The following SEMA6D variants were observed in gnomAD, a reference collection of about 807,000 sequenced individuals.
The protein encoded by SEMA6D is semaphorin-6D.
SEMA6D carries 35 observed loss-of-function variants against 106.6 expected under a neutral mutation model. The ratio of observed to expected loss-of-function variants is 0.33; its 90% CI spans 0.25 to 0.44. The LOEUF (loss-of-function observed/expected upper bound fraction) is 0.44. SEMA6D is among the 20% of genes least tolerant of loss of function. The pLI is 1.00. For synonymous variants in SEMA6D, 499 were observed against 487.7 expected (o/e 1.02, Z -0.31); for missense variants, 1,185 against 1,345.9 (o/e 0.88, Z 1.87).
At chr15:47,234,152 T>G (rs1268845055) in intron 1 of SEMA6D, among the ~76,000 whole-genome samples, 2 of 151,896 alleles carry the variant, frequency 1.3e-5, no homozygotes, top group African/African-American at 4.8e-5. Context: ...CTGACATATT[T>G]CTGGGATCTC....
intron 4 of SEMA6D, among the ~76,000 whole-genome samples, chr15:47,687,688 C>G (rs2078498650): frequency 6.6e-6 from 1 of 152,042 alleles, no homozygotes; most frequent in Admixed American, 6.5e-5. Context: ...TAAGCATGTT[C>G]AGAAGGGATC....
intron 3 of SEMA6D, among the ~76,000 whole-genome samples, chr15:47,585,918 T>C (rs774507253): frequency 6.6e-6 from 1 of 152,186 alleles, no homozygotes; most frequent in Non-Finnish European, 1.5e-5. Context: ...ACACAGCCTG[T>C]CTCCAAAGAG....
intron 3 of SEMA6D, among the ~76,000 whole-genome samples, chr15:47,575,672 T>C (rs1023722591): frequency 1.3e-5 from 2 of 152,014 alleles, no homozygotes; most frequent in South Asian, 2.1e-4. Flanking sequence ...TGAGCTGAGA[T>C]TGCGCCACTG....
intron 4 of SEMA6D, among the ~76,000 whole-genome samples, chr15:47,681,855 A>G (rs2078359999): frequency 6.6e-6 from 1 of 152,234 alleles, no homozygotes; most frequent in Admixed American, 6.5e-5. Context: ...CATCTGAAGA[A>G]GAGATCATCA....
At chr15:47,223,798 T>C (rs2031417773) in intron 1 of SEMA6D, among the ~76,000 whole-genome samples, 1 of 152,142 alleles carries the variant, frequency 6.6e-6, no homozygotes, top group African/African-American at 2.4e-5. Context: ...CTTGAATTTA[T>C]GGTACATATA....
chr15:47,318,887 G>A (rs1267885175), intron 1 of SEMA6D, among the ~76,000 whole-genome samples: 1 of 151,404 alleles, frequency 6.6e-6, no homozygotes, highest in Non-Finnish European at 1.5e-5. Flanking sequence ...CCCACCAACA[G>A]TGTAAAAGTG....
intron 3 of SEMA6D, among the ~76,000 whole-genome samples, chr15:47,559,596 A>G (rs986548097): frequency 9.2e-5 from 14 of 152,102 alleles, no homozygotes; most frequent in African/African-American, 2.7e-4. Context: ...GAGGCAGTCA[A>G]TGGAGTGGAG....
intron 2 of SEMA6D, among the ~76,000 whole-genome samples, chr15:47,466,319 C>T (rs933493204): frequency 6.6e-6 from 1 of 152,124 alleles, no homozygotes; most frequent in African/African-American, 2.4e-5. Context: ...CCATTACTCC[C>T]ACCCTCTAGC....
At chr15:47,635,723 T>G (rs1347473) in intron 4 of SEMA6D, among the ~76,000 whole-genome samples, 22,369 of 151,952 alleles carry the variant, frequency 0.15, 1,757 homozygotes, top group East Asian at 0.27. Context: ...GGAGAATCAG[T>G]TGACTGCCAG....
intron 1 of SEMA6D, among the ~76,000 whole-genome samples, chr15:47,356,700 C>A (rs2038587355): frequency 1.3e-5 from 2 of 152,104 alleles, no homozygotes; most frequent in Non-Finnish European, 1.5e-5. Flanking sequence ...TCAAATGCAG[C>A]TGTATAAGTA....
intron 1 of SEMA6D, among the ~76,000 whole-genome samples, chr15:47,735,948 A>T (rs937920543): frequency 6.6e-6 from 1 of 152,208 alleles, no homozygotes; most frequent in African/African-American, 2.4e-5. Flanking sequence ...TAAACAACTC[A>T]AGTGATTTAG....
intron 2 of SEMA6D, among the ~76,000 whole-genome samples, chr15:47,431,544 A>G (rs2041522951): frequency 6.6e-6 from 1 of 152,012 alleles, no homozygotes; most frequent in African/African-American, 2.4e-5. Flanking sequence ...CACTAACCAC[A>G]CCTTCTTGGT....
In SEMA6D at chr15:47,503,689, T is replaced by TCACACACACACACACACACACA. The variant is rs142397320; in HGVS notation, c.-87+33151_-87+33172dup. On this transcript the variant is annotated intron_variant, in intron 3 of 19. Coordinates refer to the SEMA6D transcript ENST00000558014. ...TGCAGGGGTGCTCTCTCTCTCTCTG[T>TCACACACACACACACACACACA]CACACACACACACACACACACACAC... Among the ~76,000 whole-genome samples, 8 of 148,698 alleles carry TCACACACACACACACACACACA rather than the reference T, an allele frequency of 5.4e-5. No individual in the cohort carries two copies. In the East Asian group the frequency reaches 6.0e-4, roughly 11 times the overall value.
At chr15:47,496,518 C>G (rs2043663732) in intron 3 of SEMA6D, among the ~76,000 whole-genome samples, 1 of 152,026 alleles carries the variant, frequency 6.6e-6, no homozygotes, top group African/African-American at 2.4e-5. Context: ...TTCAGCTCCA[C>G]AAGCTTATGT....
chr15:47,638,620 C>T (rs1372191838), intron 4 of SEMA6D, among the ~76,000 whole-genome samples: 1 of 152,122 alleles, frequency 6.6e-6, no homozygotes, highest in Non-Finnish European at 1.5e-5. Flanking sequence ...ACTGATTTTT[C>T]AATGTACTAT....
At chr15:47,760,044 A>G (rs1321590029) in intron 2 of SEMA6D, 137 bp downstream of exon 2, 1 of 725,908 alleles carries the variant, frequency 1.4e-6, no homozygotes, top group Non-Finnish European at 2.3e-6. Flanking sequence ...GTTTATCAGT[A>G]ATCATTTCCT....
At chr15:47,352,151 A>G (rs958933565) in intron 1 of SEMA6D, among the ~76,000 whole-genome samples, 12 of 152,328 alleles carry the variant, frequency 7.9e-5, no homozygotes, top group South Asian at 2.1e-4. Context: ...TAGTGAAACA[A>G]TGACTACTAA....
intron 3 of SEMA6D, among the ~76,000 whole-genome samples, chr15:47,493,540 G>A (rs1187342483): frequency 6.6e-6 from 1 of 152,102 alleles, no homozygotes; most frequent in Non-Finnish European, 1.5e-5. Flanking sequence ...ACCCTTGACG[G>A]AGAATCAGTC....
intron 1 of SEMA6D, among the ~76,000 whole-genome samples, chr15:47,216,457 C>G (rs144009974): frequency 6.6e-6 from 1 of 152,056 alleles, no homozygotes; most frequent in African/African-American, 2.4e-5. Flanking sequence ...CCAGAATATG[C>G]GTAATAGCAT....
Sources: gnomAD v4.1 joint callset for allele counts (sites outside exome capture counted in the v4.1 genomes callset) on GRCh38, gnomAD v4.1.1 for gene constraint, MANE v1.5 for transcripts, NCBI Gene and HGNC (gene_info 2026-07-23, HGNC 2026-07-21) for gene names.